PRR11: variants seen among roughly 807,000 people sequenced by gnomAD.
PRR11 encodes proline-rich protein 11.
In PRR11, 30 loss-of-function variants were observed where a neutral mutation model predicts 45.6. The observed-to-expected ratio is 0.66, with a 90% CI of 0.49 to 0.89. The LOEUF is 0.89. PRR11 is among the 40% of genes least tolerant of loss of function. PRR11 has a pLI of 0.00. For synonymous variants in PRR11, 128 were observed against 153.5 expected, an observed-to-expected ratio of 0.83 and a Z score of 1.23; for missense variants, 373 against 424.8, an observed-to-expected ratio of 0.88 and a Z score of 1.07.
chr17:59,184,137 T>G (rs2046802268), intron 2 of PRR11, among the ~76,000 whole-genome samples: 1 of 151,020 alleles, frequency 6.6e-6, no homozygotes, highest in South Asian at 2.1e-4. Flanking sequence ...AATAAAAGAG[T>G]TGGATGACAT....
chr17:59,159,344 A>G (rs2046640848), intron 1 of PRR11, among the ~76,000 whole-genome samples: 1 of 152,172 alleles, frequency 6.6e-6, no homozygotes, highest in Non-Finnish European at 1.5e-5. Context: ...AGCTACCTAT[A>G]CACTTATGAG....
Position 59,182,771 on chromosome 17 carries a change from A to G in PRR11, c.129-2283A>G, listed in dbSNP as rs1301936550. 3.9e-5 allele frequency among the ~76,000 whole-genome samples: 6 copies of G among 151,990 alleles called. No homozygotes were observed. In the East Asian group the frequency reaches 1.2e-3, roughly 29 times the overall value. Reference sequence around the variant, plus strand: ...CACCTGATGGTCCCGACACTTCATCATCCACCACCTCCTGGAGGGGGTACC... The same window carrying G: ...CACCTGATGGTCCCGACACTTCATCGTCCACCACCTCCTGGAGGGGGTACC... On this transcript the variant is annotated intron_variant, in intron 2 of 9. Coordinates refer to ENST00000262293, the MANE Select transcript of PRR11 (RefSeq NM_018304.4).
chr17:59,167,342 A>G (rs974231562), intron 1 of PRR11, among the ~76,000 whole-genome samples: 4 of 152,158 alleles, frequency 2.6e-5, no homozygotes, highest in Admixed American at 2.0e-4. Context: ...ATTTGAAACT[A>G]GATAATATAT....
At chr17:59,165,275 C>T (rs987845981) in intron 1 of PRR11, among the ~76,000 whole-genome samples, 23 of 151,908 alleles carry the variant, frequency 1.5e-4, no homozygotes, top group African/African-American at 5.6e-4. Context: ...CCGCCTTGGC[C>T]TCCCAAAGTG....
chr17:59,177,383 G>A (rs1343182486), intron 2 of PRR11: 4 of 507,724 alleles, frequency 7.9e-6, no homozygotes, highest in Non-Finnish European at 1.6e-5. Context: ...TGGGGTGACT[G>A]TGCTCATGTG....
chr17:59,172,894 G>C (rs2046718456), intron 2 of PRR11, among the ~76,000 whole-genome samples: 1 of 152,242 alleles, frequency 6.6e-6, no homozygotes, highest in African/African-American at 2.4e-5. Context: ...CCCAAGGGCT[G>C]AGGAGTGTGG....
Position 59,195,412 on chromosome 17 carries a change from G to A in PRR11, c.826G>A (p.Val276Met), listed in dbSNP as rs1386203159. 4 of 1,612,976 alleles carry A rather than the reference G, an allele frequency of 2.5e-6. No homozygotes were observed. The South Asian group carries it at 3.3e-5, about 13-fold the overall frequency. ...TGTTACCCTGAAACCTAACTCCAAA[G>A]TGTTATCGACTCGAGTTACAAACGT... ...QHVTLKPNSK[V>M]LSTRVTNVLI... The change falls in exon 7 of 10, where the codon GTG becomes ATG. Residue 276 changes from valine to methionine, a missense_variant. By Grantham distance (21) the Val-to-Met change is conservative. Coordinates refer to ENST00000262293, the MANE Select transcript of PRR11 (RefSeq NM_018304.4).
chr17:59,171,876 T>C (rs1203910961), intron 2 of PRR11, among the ~76,000 whole-genome samples: 1 of 151,988 alleles, frequency 6.6e-6, no homozygotes, highest in African/African-American at 2.4e-5. Context: ...GGGGCACATA[T>C]AATAATACAG....
rs79633823 is a variant in PRR11 at position 59,189,317 on chromosome 17, A to C, written c.402+3755A>C. On this transcript the variant is annotated intron_variant, in intron 4 of 9. Coordinates refer to ENST00000262293, the MANE Select transcript of PRR11 (RefSeq NM_018304.4). ...TGTCTCAAAAAATATTATTTGAGAC[A>C]AAAAAAAAAATAGAATAATTTTTTT... Among the ~76,000 whole-genome samples, 5 of 143,316 alleles carry C rather than the reference A, an allele frequency of 3.5e-5. No homozygotes were observed. In the East Asian group the frequency reaches 8.3e-4, roughly 24 times the overall value. The allele number at this position is 143,316 out of a possible 152,430, so 94.0% of individuals were successfully genotyped here. A position where few individuals can be genotyped will look rare whatever the true frequency, so the allele number is the denominator to read the frequency against.
chr17:59,194,542 A>G (rs1426830290), intron 5 of PRR11, among the ~76,000 whole-genome samples: 1 of 152,168 alleles, frequency 6.6e-6, no homozygotes, highest in Admixed American at 6.6e-5. Context: ...TAAAAACAAA[A>G]TTGCGGGGTG....
At chr17:59,160,574 A>G (rs1412365409) in intron 1 of PRR11, among the ~76,000 whole-genome samples, 1 of 152,002 alleles carries the variant, frequency 6.6e-6, no homozygotes, top group Non-Finnish European at 1.5e-5. Flanking sequence ...TGCACGGCCT[A>G]TAATATGACC....
intron 4 of PRR11, among the ~76,000 whole-genome samples, chr17:59,186,981 A>C (rs1387048558): frequency 1.3e-5 from 2 of 152,150 alleles, no homozygotes; most frequent in African/African-American, 4.8e-5. Flanking sequence ...TGAGCACAGA[A>C]GTTTGAGGCC....
intron 2 of PRR11, among the ~76,000 whole-genome samples, chr17:59,184,588 TGGAAG>T (rs2046804246): frequency 6.6e-6 from 1 of 152,204 alleles, no homozygotes; most frequent in Non-Finnish European, 1.5e-5. Flanking sequence ...CCCATTGCTA[TGGAAG>T]TCCCATTGGT....
chr17:59,185,052 A>G lies in PRR11; in HGVS notation c.129-2A>G. On this transcript the variant is annotated splice_acceptor_variant, in intron 2 of 9. Coordinates refer to ENST00000262293, the MANE Select transcript of PRR11 (RefSeq NM_018304.4). LOFTEE classifies it high-confidence loss of function. Reference sequence around the variant, plus strand: ...ATTTGTTTCATTTTGTTTTTCCTACAGAGTCGGTATTTCTTCAATAGATAT... The same window carrying G: ...ATTTGTTTCATTTTGTTTTTCCTACGGAGTCGGTATTTCTTCAATAGATAT... 1.2e-6 allele frequency: 2 copies of G among 1,612,194 alleles called. No individual in the cohort carries two copies. Among genetic ancestry groups the G allele is most frequent in the South Asian group, 1.1e-5 (1 of 90,994 alleles).
Position 59,194,871 on chromosome 17 carries a change from C to G in PRR11, c.744+16C>G. On this transcript the variant is annotated intron_variant, in intron 6 of 9. Coordinates refer to ENST00000262293, the MANE Select transcript of PRR11 (RefSeq NM_018304.4). ...AAAGAGGAAGGTAAGATGTCATTGA[C>G]CACATACATGCTCTTTTTGCTTTTA... 6.3e-7 allele frequency: 1 copy of G among 1,585,798 alleles called. No individual in the cohort carries two copies. The highest frequency in any genetic ancestry group is 8.7e-7 in the Non-Finnish European group (1 of 1,155,560).
At chr17:59,196,873 T>C (rs2046868409) in intron 7 of PRR11, among the ~76,000 whole-genome samples, 1 of 152,050 alleles carries the variant, frequency 6.6e-6, no homozygotes, top group African/African-American at 2.4e-5. Context: ...TTTTCTTTTT[T>C]TGAGAAGGAG....
intron 1 of PRR11, among the ~76,000 whole-genome samples, chr17:59,168,949 G>A (rs1359595048): frequency 6.6e-6 from 1 of 152,016 alleles, no homozygotes; most frequent in Non-Finnish European, 1.5e-5. Flanking sequence ...GGATAGTAAG[G>A]GTTAACTGAA....
At chr17:59,172,854 C>A (rs1440650521) in intron 2 of PRR11, among the ~76,000 whole-genome samples, 3 of 152,252 alleles carry the variant, frequency 2.0e-5, no homozygotes, top group Non-Finnish European at 4.4e-5. Context: ...GAGCGCCGCC[C>A]CCTGCTCCAC....
chr17:59,171,352 C>A (rs1342953103), intron 2 of PRR11, among the ~76,000 whole-genome samples: 2 of 151,684 alleles, frequency 1.3e-5, no homozygotes, highest in Non-Finnish European at 2.9e-5. Flanking sequence ...CAGTAAACAT[C>A]AAATAAAAAT....
Sources: allele counts gnomAD v4.1 joint callset (sites outside exome capture counted in the v4.1 genomes callset), GRCh38; gene constraint gnomAD v4.1.1; transcripts MANE v1.5; gene names NCBI Gene and HGNC (gene_info 2026-07-23, HGNC 2026-07-21).